Variants in PLCH1 observed in about 807,000 individuals in gnomAD.
PLCH1 encodes 1-phosphatidylinositol 4,5-bisphosphate phosphodiesterase eta-1.
In PLCH1, 60 loss-of-function variants were observed where a neutral mutation model predicts 126.7. The ratio of observed to expected loss-of-function variants is 0.47; its 90% CI spans 0.38 to 0.59. The LOEUF is 0.59. PLCH1 is among the 20% of genes least tolerant of loss of function. PLCH1 has a pLI of 0.00. For synonymous variants in PLCH1, 719 were observed against 734.9 expected (o/e 0.98, Z 0.35); for missense variants, 1,723 against 2,040.0 (o/e 0.84, Z 2.99).
intron 19 of PLCH1, among the ~76,000 whole-genome samples, chr3:155,490,008 A>G (rs1715933381): frequency 6.6e-6 from 1 of 152,198 alleles, no homozygotes. Flanking sequence ...CGGTGGGAAA[A>G]TGCAATTTGA....
At chr3:155,646,909 T>C (rs1740128434) in intron 2 of PLCH1, among the ~76,000 whole-genome samples, 1 of 152,206 alleles carries the variant, frequency 6.6e-6, no homozygotes, top group Admixed American at 6.5e-5. Flanking sequence ...CCTGTGGTTG[T>C]TTTAAAATAT....
chr3:155,614,451 A>G (rs192436842), intron 2 of PLCH1, among the ~76,000 whole-genome samples: 2 of 152,336 alleles, frequency 1.3e-5, no homozygotes, highest in African/African-American at 4.8e-5. Flanking sequence ...AAACAGGCAC[A>G]CAGACCAATA....
intron 6 of PLCH1, among the ~76,000 whole-genome samples, chr3:155,575,133 A>C (rs574125844): frequency 7.2e-5 from 11 of 152,242 alleles, no homozygotes; most frequent in Admixed American, 2.6e-4. Flanking sequence ...CCCATCTAAA[A>C]AAAAAATAAA....
chr3:155,531,249 G>A (rs1428979484), intron 10 of PLCH1, among the ~76,000 whole-genome samples: 2 of 152,220 alleles, frequency 1.3e-5, no homozygotes, highest in East Asian at 3.8e-4. Context: ...ACGCTTTGAA[G>A]GCAGGCAATG....
intron 21 of PLCH1, among the ~76,000 whole-genome samples, chr3:155,460,228 G>A (rs2107972743): frequency 6.6e-6 from 1 of 152,274 alleles, no homozygotes; most frequent in East Asian, 1.9e-4. Context: ...AGGAAAGCTT[G>A]TTCCTCACAA....
At chr3:155,743,778 G>A (rs1749791137) in intron 1 of PLCH1, 3 of 301,582 alleles carry the variant, frequency 9.9e-6, no homozygotes, top group African/African-American at 7.0e-5. Context: ...GTGCTGCTGG[G>A]TTGTACAAGC....
At position 155,494,318 on chromosome 3, in the gene PLCH1, C is replaced by T. The variant is rs1460914785; in HGVS notation, c.2074+20G>A. ...TAGTGAGAATATACAGAGAACCACT[C>T]CTTCCCAAGGAATACACACCTAGCT... is the stretch of plus-strand genomic sequence containing the variant. On this transcript the variant is annotated intron_variant, in intron 16 of 22. Coordinates refer to ENST00000460012, the MANE Select transcript of PLCH1 (RefSeq NM_014996.4). 1 of 1,613,648 alleles carries T rather than the reference C, an allele frequency of 6.2e-7. No individual in the cohort carries two copies. Among genetic ancestry groups the T allele is most frequent in the East Asian group, 2.2e-5 (1 of 44,884 alleles).
chr3:155,696,251 A>G (rs554475130), intron 2 of PLCH1, among the ~76,000 whole-genome samples: 2 of 152,348 alleles, frequency 1.3e-5, no homozygotes, highest in East Asian at 3.9e-4. Context: ...AAGAAAATAT[A>G]AAACATGTCA....
chr3:155,649,706 C>A (rs142974011), intron 2 of PLCH1, among the ~76,000 whole-genome samples: 1 of 152,124 alleles, frequency 6.6e-6, no homozygotes, highest in African/African-American at 2.4e-5. Flanking sequence ...TGGCCGGGCG[C>A]GGTGGCTCAC....
chr3:155,737,555 A>T (rs1164335844), intron 1 of PLCH1, among the ~76,000 whole-genome samples: 1 of 152,164 alleles, frequency 6.6e-6, no homozygotes, highest in Admixed American at 6.5e-5. Flanking sequence ...AATATAAATT[A>T]AAAAATCAGA....
chr3:155,634,078 C>T (rs1388014173), intron 2 of PLCH1, among the ~76,000 whole-genome samples: 1 of 152,152 alleles, frequency 6.6e-6, no homozygotes, highest in East Asian at 1.9e-4. Flanking sequence ...TACTGCTTAC[C>T]ATCCACGGGT....
chr3:155,493,365 T>C (rs1393309626), intron 17 of PLCH1, among the ~76,000 whole-genome samples: 1 of 152,228 alleles, frequency 6.6e-6, no homozygotes, highest in Non-Finnish European at 1.5e-5. Context: ...TGTTGTTTGA[T>C]CTAACACATT....
chr3:155,696,831 G>A (rs1206760636), intron 2 of PLCH1, among the ~76,000 whole-genome samples: 1 of 152,136 alleles, frequency 6.6e-6, no homozygotes, highest in Admixed American at 6.5e-5. Flanking sequence ...ACTCTCAATG[G>A]CCACAGGTTT....
At chr3:155,466,605 A>T (rs539129765) in intron 21 of PLCH1, among the ~76,000 whole-genome samples, 2 of 152,368 alleles carry the variant, frequency 1.3e-5, no homozygotes, top group Non-Finnish European at 2.9e-5. Flanking sequence ...ACTAGCATCA[A>T]CACCATCCAG....
At chr3:155,722,795 G>T (rs1373348803) in intron 1 of PLCH1, among the ~76,000 whole-genome samples, 1 of 152,104 alleles carries the variant, frequency 6.6e-6, no homozygotes. Context: ...TTTTTGGTAT[G>T]TCTTTTCCTG....
At chr3:155,697,631 C>T (rs1359303475) in intron 2 of PLCH1, among the ~76,000 whole-genome samples, 1 of 152,156 alleles carries the variant, frequency 6.6e-6, no homozygotes, top group Non-Finnish European at 1.5e-5. Flanking sequence ...CTTTCAAGTC[C>T]TTTCAGTCTG....
chr3:155,458,546 GAAAGAAAGAGAA>G (rs1461378617), intron 21 of PLCH1, among the ~76,000 whole-genome samples: 2 of 136,478 alleles, frequency 1.5e-5, no homozygotes, highest in African/African-American at 3.2e-5. Context: ...AAAAGAAAAA[GAAAGAAAGAGAA>G]AAAGAAAGAA....
Position 155,490,945 on chromosome 3 carries a change from A to C in PLCH1, c.2308-77T>G, listed in dbSNP as rs537863574. On this transcript the variant is annotated intron_variant, in intron 18 of 22. Transcript: ENST00000460012. ...GTTAATTAATCTGAGAATATTGGCCAAAATGTCTACATTTCGACAGCAACT... is the reference window on the plus strand; with the variant it reads ...GTTAATTAATCTGAGAATATTGGCCCAAATGTCTACATTTCGACAGCAACT... 96 of 813,316 alleles carry C rather than the reference A, an allele frequency of 1.2e-4. 1 individual carries two copies. In the African/African-American group the frequency reaches 1.6e-3, roughly 13 times the overall value. The allele number at this position is 813,316 out of a possible 1,614,324, so 50.4% of individuals were successfully genotyped here. A position where few individuals can be genotyped will look rare whatever the true frequency, so the allele number is the denominator to read the frequency against.
chr3:155,506,204 G>A (rs1433454970), intron 12 of PLCH1, among the ~76,000 whole-genome samples: 2 of 151,980 alleles, frequency 1.3e-5, no homozygotes, highest in Non-Finnish European at 2.9e-5. Flanking sequence ...TTACAGAAAA[G>A]GAAAGCAGAA....
Sources: allele counts gnomAD v4.1 joint callset (sites outside exome capture counted in the v4.1 genomes callset), GRCh38; gene constraint gnomAD v4.1.1; transcripts MANE v1.5; gene names NCBI Gene and HGNC (gene_info 2026-07-23, HGNC 2026-07-21).